NUDCD3: variants seen among roughly 807,000 people sequenced by gnomAD.
NUDCD3 encodes nudC domain-containing protein 3.
A neutral mutation model predicts 39.7 loss-of-function variants in NUDCD3; 13 were observed. The observed-to-expected ratio is 0.33, with a 90% CI of 0.21 to 0.52. The LOEUF is 0.52. Among genes scored for constraint, NUDCD3 ranks in the 20% least tolerant of loss-of-function variants. NUDCD3 has a pLI of 0.96. For synonymous variants in NUDCD3, 175 were observed against 172.4 expected, an observed-to-expected ratio of 1.02 and a Z score of -0.12; for missense variants, 453 against 458.1, an observed-to-expected ratio of 0.99 and a Z score of 0.10.
At chr7:44,429,861 C>T (rs1799319147) in intron 2 of NUDCD3, among the ~76,000 whole-genome samples, 1 of 152,062 alleles carries the variant, frequency 6.6e-6, no homozygotes, top group Admixed American at 6.6e-5. Flanking sequence ...TGAAAATGGA[C>T]AGCAAAAGAA....
chr7:44,403,984 G>A (rs181107274), intron 4 of NUDCD3, among the ~76,000 whole-genome samples: 1 of 152,276 alleles, frequency 6.6e-6, no homozygotes, highest in East Asian at 1.9e-4. Flanking sequence ...CCCAATTTGT[G>A]AGCGAGTCTG....
chr7:44,482,880 A>G (rs1367540698), intron 2 of NUDCD3, among the ~76,000 whole-genome samples: 2 of 152,244 alleles, frequency 1.3e-5, no homozygotes, highest in Non-Finnish European at 2.9e-5. Context: ...AAACCAAGGT[A>G]GAAATTGAAG....
intron 3 of NUDCD3, among the ~76,000 whole-genome samples, chr7:44,406,546 A>G (rs1274334866): frequency 2.0e-5 from 3 of 152,220 alleles, no homozygotes; most frequent in Admixed American, 6.5e-5. Context: ...CTTAACAAAT[A>G]TAATTCTCCC....
intron 3 of NUDCD3, among the ~76,000 whole-genome samples, chr7:44,412,951 AAAAG>A (rs747223194): frequency 2.8e-5 from 4 of 144,392 alleles, no homozygotes; most frequent in African/African-American, 1.0e-4. Flanking sequence ...AAGAAAAAAA[AAAAG>A]AAAGAAACCA....
chr7:44,475,212 A>G (rs1800340801), intron 2 of NUDCD3, among the ~76,000 whole-genome samples: 1 of 151,742 alleles, frequency 6.6e-6, no homozygotes, highest in African/African-American at 2.4e-5. Context: ...CCTAGGTTCA[A>G]GCAATTCTTC....
chr7:44,453,443 A>C (rs1799832833), intron 2 of NUDCD3, among the ~76,000 whole-genome samples: 1 of 152,166 alleles, frequency 6.6e-6, no homozygotes, highest in Non-Finnish European at 1.5e-5. Flanking sequence ...AGATAAGCTC[A>C]CTATTGCTAG....
intron 2 of NUDCD3, among the ~76,000 whole-genome samples, chr7:44,473,664 A>G (rs564712760): frequency 6.6e-6 from 1 of 152,358 alleles, no homozygotes; most frequent in East Asian, 1.9e-4. Flanking sequence ...ATTGAACAAC[A>G]GTCATCTTTA....
At chr7:44,431,815 G>C (rs1021299960) in intron 2 of NUDCD3, among the ~76,000 whole-genome samples, 5 of 151,766 alleles carry the variant, frequency 3.3e-5, no homozygotes, top group African/African-American at 9.7e-5. Context: ...TGGGATTACA[G>C]GTGCGCACCA....
rs770880193 is a variant in NUDCD3 at position 44,467,968 on chromosome 7, G to A, written c.509+17000C>T. On this transcript the variant is annotated intron_variant, in intron 2 of 5. Coordinates refer to ENST00000355451, the MANE Select transcript of NUDCD3 (RefSeq NM_015332.4). ...GAACCAAGAAGTTCATCCAGCACCA[G>A]TCAGACCAATATGTCAAAATTAAGC... The A allele has an allele frequency of 8.1e-6, 13 of 1,611,340 alleles. 1 individual carries two copies. The Admixed American group carries it at 1.5e-4, about 19-fold the overall frequency.
At chr7:44,448,280 C>T (rs1325430340) in intron 2 of NUDCD3, among the ~76,000 whole-genome samples, 4 of 152,184 alleles carry the variant, frequency 2.6e-5, no homozygotes, top group Admixed American at 6.5e-5. Flanking sequence ...ACAGTGAACA[C>T]GAACAGTGGC....
At chr7:44,406,200 T>C (rs1798816900) in intron 3 of NUDCD3, among the ~76,000 whole-genome samples, 1 of 152,226 alleles carries the variant, frequency 6.6e-6, no homozygotes, top group Admixed American at 6.5e-5. Context: ...GATATTCTGC[T>C]AACCACAGGC....
chr7:44,443,564 T>C (rs1799632334), intron 2 of NUDCD3, among the ~76,000 whole-genome samples: 1 of 152,074 alleles, frequency 6.6e-6, no homozygotes, highest in South Asian at 2.1e-4. Flanking sequence ...GCATGCACCA[T>C]CACACCCAGC....
intron 2 of NUDCD3, among the ~76,000 whole-genome samples, chr7:44,428,521 T>C (rs1427771563): frequency 6.6e-6 from 1 of 152,138 alleles, no homozygotes; most frequent in Non-Finnish European, 1.5e-5. Flanking sequence ...CTCTATTTTT[T>C]CATAGTAAAT....
intron 2 of NUDCD3, among the ~76,000 whole-genome samples, chr7:44,446,313 C>A (rs1442706168): frequency 6.6e-6 from 1 of 152,110 alleles, no homozygotes; most frequent in Non-Finnish European, 1.5e-5. Context: ...GAATGGCCAC[C>A]CCAGAGAGCA....
At position 44,468,085 on chromosome 7, in the gene NUDCD3, C is replaced by CA. The variant is rs774632239; in HGVS notation, c.509+16882dup. 47 of 1,611,492 alleles carry CA rather than the reference C, an allele frequency of 2.9e-5. No individual in the cohort carries two copies. The East Asian group carries it at 1.0e-3, about 35-fold the overall frequency. ...TGCCCAACATTGGTTATGGGAGCAA[C>CA]AAAAAAACAAAGCACATGCTGCCCA... On this transcript the variant is annotated intron_variant, in intron 2 of 5. Coordinates refer to ENST00000355451, the MANE Select transcript of NUDCD3 (RefSeq NM_015332.4).
intron 2 of NUDCD3, among the ~76,000 whole-genome samples, chr7:44,439,052 T>A (rs911082597): frequency 3.3e-5 from 5 of 152,124 alleles, no homozygotes; most frequent in Admixed American, 1.3e-4. Context: ...AAGCAGTGCA[T>A]GAGGATGACT....
At chr7:44,448,742 C>T (rs1799732731) in intron 2 of NUDCD3, among the ~76,000 whole-genome samples, 1 of 152,086 alleles carries the variant, frequency 6.6e-6, no homozygotes, top group African/African-American at 2.4e-5. Flanking sequence ...CACCTGCCGC[C>T]TCCACTCTCC....
At chr7:44,405,858 G>A (rs904413594) in intron 3 of NUDCD3, among the ~76,000 whole-genome samples, 3 of 152,088 alleles carry the variant, frequency 2.0e-5, no homozygotes, top group Non-Finnish European at 4.4e-5. Flanking sequence ...GTGCAGTGGC[G>A]TGATCCCAGC....
intron 4 of NUDCD3, among the ~76,000 whole-genome samples, chr7:44,397,176 A>G (rs1003415180): frequency 5.3e-5 from 8 of 152,226 alleles, no homozygotes; most frequent in Admixed American, 3.9e-4. Context: ...GGAATCACAC[A>G]GTGTGCAGCC....
Sources: gnomAD v4.1 joint callset for allele counts (sites outside exome capture counted in the v4.1 genomes callset) on GRCh38, gnomAD v4.1.1 for gene constraint, MANE v1.5 for transcripts, NCBI Gene and HGNC (gene_info 2026-07-23, HGNC 2026-07-21) for gene names.